The following WLS variants were observed in gnomAD, a reference collection of about 807,000 sequenced individuals.
WLS encodes the protein protein wntless homolog.
In WLS, 23 loss-of-function variants were observed where a neutral mutation model predicts 62.8. The ratio of observed to expected loss-of-function variants is 0.37; its 90% CI spans 0.26 to 0.52. WLS has a LOEUF of 0.52. Among genes scored for constraint, WLS ranks in the 20% least tolerant of loss-of-function variants. WLS has a pLI of 0.92. For synonymous variants in WLS, 246 were observed against 244.1 expected, an observed-to-expected ratio of 1.01 and a Z score of -0.07; for missense variants, 615 against 697.3, an observed-to-expected ratio of 0.88 and a Z score of 1.33.
chr1:68,201,265 C>T (rs1364824005), intron 1 of WLS, among the ~76,000 whole-genome samples: 1 of 152,160 alleles, frequency 6.6e-6, no homozygotes, highest in Non-Finnish European at 1.5e-5. Context: ...TTAATATCTG[C>T]CATACCACTT....
intron 5 of WLS, among the ~76,000 whole-genome samples, chr1:68,151,508 C>A (rs1056261837): frequency 6.6e-6 from 1 of 151,546 alleles, no homozygotes; most frequent in Non-Finnish European, 1.5e-5. Context: ...TAACTGTGAA[C>A]AAGAAAAGCA....
rs571581661 is a variant in WLS, at chr1:68,156,599, A to G, written c.505-1339T>C. Among the ~76,000 whole-genome samples the G allele has an allele frequency of 6.5e-4, 99 of 152,286 alleles. 2 individuals are homozygous for G. In the South Asian group the frequency reaches 0.02, roughly 30 times the overall value. On this transcript the variant is annotated intron_variant, in intron 3 of 11. Transcript: ENST00000262348. ...CTTGCCCACCACGGCACACATAACC[A>G]ATCAGTCGTCAACAGTTTTTATCCC...
rs774719446 is a variant in WLS, at chr1:68,194,191, A to T, written c.143T>A (p.Val48Glu). The T allele has an allele frequency of 1.4e-5, 22 of 1,614,086 alleles. No homozygotes were observed. The highest frequency in any genetic ancestry group is 1.7e-5 in the Non-Finnish European group (20 of 1,180,030). Residue 48 changes from valine (V) to glutamate (E), a missense_variant, in exon 2 of 12, where the codon GTG (valine) becomes GAG (glutamate). Transcript: ENST00000262348. ...GPTTAVSYMSVKCVDARKNHH... is the reference protein window; with the variant it reads ...GPTTAVSYMSEKCVDARKNHH... ...GTTCTTACGGGCATCCACACATTTC[A>T]CCGACATGTAGGACACTGCCGTTGT...
intron 4 of WLS, among the ~76,000 whole-genome samples, chr1:68,153,890 G>C (rs891670067): frequency 2.0e-5 from 3 of 152,078 alleles, no homozygotes; most frequent in African/African-American, 7.2e-5. Flanking sequence ...GAAATAAAGA[G>C]GGCATCCCAT....
chr1:68,145,893 G>A lies in WLS; in HGVS notation c.1254C>T (p.Ser418=). Reference sequence around the variant, plus strand: ...CCTCATAGTGTAGCCGCCGGACTTTGCTCATAGCTGGCAGGCTGGACTGCT... The same window carrying A: ...CCTCATAGTGTAGCCGCCGGACTTTACTCATAGCTGGCAGGCTGGACTGCT... The part of the protein sequence containing the change: ...SGKQSSLPAM[S]KVRRLHYEGL... The change falls in exon 9 of 12, where the codon AGC becomes AGT. Residue 418 remains serine (S), a synonymous_variant. Coordinates refer to ENST00000262348, the MANE Select transcript of WLS (RefSeq NM_024911.7). 1 of 1,614,172 alleles carries A rather than the reference G, an allele frequency of 6.2e-7. No homozygotes were observed. The highest frequency in any genetic ancestry group is 8.5e-7 in the Non-Finnish European group (1 of 1,180,038).
chr1:68,211,949 G>A (rs1649531912), intron 1 of WLS, among the ~76,000 whole-genome samples: 1 of 152,144 alleles, frequency 6.6e-6, no homozygotes, highest in Admixed American at 6.5e-5. Flanking sequence ...ACTTGGATGA[G>A]ACAGAGGACA....
intron 11 of WLS, among the ~76,000 whole-genome samples, chr1:68,127,798 T>C (rs546135678): frequency 5.5e-4 from 84 of 152,326 alleles, no homozygotes; most frequent in Admixed American, 4.5e-3. Context: ...CCCTTAGGAC[T>C]AGTAATCTTA....
chr1:68,115,650 T>TATTA (rs1455703376), intron 11 of WLS, among the ~76,000 whole-genome samples: 2 of 152,212 alleles, frequency 1.3e-5, no homozygotes, highest in Non-Finnish European at 2.9e-5. Flanking sequence ...AAAGAGCCGC[T>TATTA]ATTACTCTTG....
intron 11 of WLS, among the ~76,000 whole-genome samples, chr1:68,110,007 TAA>T (rs11290966): frequency 0.014 from 400 of 28,326 alleles, 2 homozygotes; most frequent in East Asian, 0.069. Context: ...ACACAAAAAG[TAA>T]AAAAAAAAAA....
chr1:68,120,675 A>C (rs1237302466), downstream of WLS, among the ~76,000 whole-genome samples: 1 of 151,572 alleles, frequency 6.6e-6, no homozygotes, highest in Non-Finnish European at 1.5e-5. Context: ...ATTACAACAC[A>C]CATCACTGCT....
At chr1:68,192,911 A>G (rs964398364) in intron 2 of WLS, among the ~76,000 whole-genome samples, 4 of 146,388 alleles carry the variant, frequency 2.7e-5, no homozygotes, top group African/African-American at 1.0e-4. Flanking sequence ...CCTGGCCAAC[A>G]TGGTAAAACC....
chr1:68,189,447 C>T lies in WLS; in HGVS notation c.379+4508G>A, dbSNP rs367847918. Reference sequence around the variant, plus strand: ...TAATTATTGTTGTTATCTTTTACTGCACCTAATTTATAATTTAAACTTTAT... The same window carrying T: ...TAATTATTGTTGTTATCTTTTACTGTACCTAATTTATAATTTAAACTTTAT... On this transcript the variant is annotated intron_variant, in intron 2 of 11. Transcript: ENST00000262348. Among the ~76,000 whole-genome samples the T allele has an allele frequency of 4.6e-5, 7 of 152,226 alleles. No individual in the cohort carries two copies. The East Asian group carries it at 1.3e-3, about 29-fold the overall frequency.
At chr1:68,199,429 G>C (rs185962291) in intron 1 of WLS, among the ~76,000 whole-genome samples, 19 of 152,314 alleles carry the variant, frequency 1.2e-4, no homozygotes, top group African/African-American at 4.8e-5. Flanking sequence ...CCTTGGAAGA[G>C]AGCAGGTAAT....
At chr1:68,124,927 C>T (rs962275353), downstream of WLS, among the ~76,000 whole-genome samples, 3 of 152,180 alleles carry the variant, frequency 2.0e-5, no homozygotes, top group Non-Finnish European at 4.4e-5. Flanking sequence ...TATATATGAA[C>T]TGATTGAAAT....
intron 11 of WLS, among the ~76,000 whole-genome samples, chr1:68,100,541 C>A (rs374386063): frequency 6.6e-6 from 1 of 152,008 alleles, no homozygotes; most frequent in Non-Finnish European, 1.5e-5. Flanking sequence ...AGGAAGAGGG[C>A]GAATGGGTAG....
chr1:68,098,711 A>T (rs1162648054), exon 12 of WLS: 1 of 1,613,928 alleles, frequency 6.2e-7, no homozygotes, highest in Admixed American at 1.7e-5. Flanking sequence ...TTCCGAAACA[A>T]ACAAAGCACA....
rs531065023 is a variant in WLS, at chr1:68,220,962, T to C, written c.106+11232A>G. ...CTGCTCATCGATCTCCTAAACTTTC[T>C]CTTTTTCAAGAAGTAGGTGGGGGAG... On this transcript the variant is annotated intron_variant, in intron 1 of 11. Transcript: ENST00000262348. 3.3e-5 allele frequency among the ~76,000 whole-genome samples: 5 copies of C among 152,262 alleles called. No individual in the cohort carries two copies. In the South Asian group the frequency reaches 1.0e-3, roughly 32 times the overall value.
rs780925929 is a variant in WLS, at chr1:68,126,210, C to G, written c.*16G>C. 2 of 1,613,690 alleles carry G rather than the reference C, an allele frequency of 1.2e-6. No individual in the cohort carries two copies. The highest frequency in any genetic ancestry group is 1.7e-5 in the Admixed American group (1 of 59,972). On this transcript the variant is annotated 3_prime_UTR_variant, in exon 12 of 12. Transcript: ENST00000262348. ...TGGGGTATGGAGAGACCGTCCCAGCCGGGCGCTGCAGCCTCCTACTCCTGG... is the reference window on the plus strand; with the variant it reads ...TGGGGTATGGAGAGACCGTCCCAGCGGGGCGCTGCAGCCTCCTACTCCTGG...
At chr1:68,152,775 A>C (rs571212153) in intron 5 of WLS, among the ~76,000 whole-genome samples, 1 of 152,296 alleles carries the variant, frequency 6.6e-6, no homozygotes, top group South Asian at 2.1e-4. Flanking sequence ...TTTGTCTAAG[A>C]ATGGGAGATG....
Sources: gnomAD v4.1 joint callset for allele counts (sites outside exome capture counted in the v4.1 genomes callset) on GRCh38, gnomAD v4.1.1 for gene constraint, MANE v1.5 for transcripts, NCBI Gene and HGNC (gene_info 2026-07-23, HGNC 2026-07-21) for gene names.